TMEM132B: variants seen among roughly 807,000 people sequenced by gnomAD.
The protein encoded by TMEM132B is transmembrane protein 132B.
In TMEM132B, 18 loss-of-function variants were observed where a neutral mutation model predicts 90.8. That is an observed-to-expected ratio of 0.20 (90% CI 0.14 to 0.29). The LOEUF is 0.29. Ranked by LOEUF, TMEM132B falls within the 10% of genes least tolerant of loss-of-function variation. The pLI, the probability that TMEM132B is intolerant of heterozygous loss-of-function variation, is 1.00. For synonymous variants in TMEM132B, 504 were observed against 523.3 expected (o/e 0.96, Z 0.50); for missense variants, 1,096 against 1,326.8 (o/e 0.83, Z 2.70).
chr12:125,624,714 G>A (rs1032853244), intron 5 of TMEM132B, among the ~76,000 whole-genome samples: 2 of 152,116 alleles, frequency 1.3e-5, no homozygotes, highest in African/African-American at 2.4e-5. Context: ...TTGTGTTCAC[G>A]ATCTTACTAG....
chr12:125,378,264 A>T (rs980499972), intron 2 of TMEM132B, among the ~76,000 whole-genome samples: 1 of 152,188 alleles, frequency 6.6e-6, no homozygotes, highest in African/African-American at 2.4e-5. Flanking sequence ...TCATGGAAAA[A>T]GCATGAACAA....
intron 1 of TMEM132B, among the ~76,000 whole-genome samples, chr12:125,312,681 A>G (rs1428964091): frequency 6.6e-6 from 1 of 152,176 alleles, no homozygotes; most frequent in Non-Finnish European, 1.5e-5. Context: ...TCACTGAGAA[A>G]TGTCTAAAAT....
rs141409861 is a variant in TMEM132B at position 125,277,356 on chromosome 12, G to A, written c.68-72096G>A. ...TAGCTGGGCGTGGTGGTGGGCTCCT[G>A]TAATCCCAGCTACTCAGGAGGCTGA... On this transcript the variant is annotated intron_variant, in intron 1 of 8. Transcript: ENST00000682704. The surrounding 1 kb of genome is among the most constrained non-coding windows in gnomAD (Gnocchi z 4.3). 2.6e-5 allele frequency among the ~76,000 whole-genome samples: 4 copies of A among 152,166 alleles called. No homozygotes were observed. In the East Asian group the frequency reaches 7.7e-4, roughly 29 times the overall value.
chr12:125,547,851 C>T (rs34424170), intron 4 of TMEM132B, among the ~76,000 whole-genome samples: 11,098 of 152,214 alleles, frequency 0.073, 548 homozygotes, highest in South Asian at 0.15. Flanking sequence ...AAGAAACAGC[C>T]AACTCTGTGA....
At position 125,646,845 on chromosome 12, in the gene TMEM132B, T is replaced by A. The variant is rs116552607; in HGVS notation, c.1643+2564T>A. 9.1e-3 allele frequency among the ~76,000 whole-genome samples: 1,382 copies of A among 152,216 alleles called. 23 individuals are homozygous for A. The highest frequency in any genetic ancestry group is 0.032 in the African/African-American group (1,310 of 41,516). ...AGAATTAGATAAACCACAACTTGAA[T>A]GAGAAAAGATGATCAACTGATGGCA... is the stretch of plus-strand genomic sequence containing the variant. On this transcript the variant is annotated intron_variant, in intron 6 of 8. Transcript: ENST00000682704.
chr12:125,388,387 C>A (rs547567081), intron 2 of TMEM132B, among the ~76,000 whole-genome samples: 16 of 152,292 alleles, frequency 1.1e-4, no homozygotes, highest in African/African-American at 3.8e-4. Flanking sequence ...CAAGATCCCA[C>A]CATTGCACTC....
chr12:125,628,861 A>G (rs1382821846), intron 5 of TMEM132B, among the ~76,000 whole-genome samples: 1 of 152,106 alleles, frequency 6.6e-6, no homozygotes, highest in African/African-American at 2.4e-5. Flanking sequence ...TCATTTCTCT[A>G]CATATGGATA....
intron 2 of TMEM132B, among the ~76,000 whole-genome samples, chr12:125,376,497 G>A (rs1878489096): frequency 6.6e-6 from 1 of 152,218 alleles, no homozygotes; most frequent in Non-Finnish European, 1.5e-5. Flanking sequence ...CCCGGTGGAT[G>A]CTCATTTACA....
chr12:125,422,640 A>G (rs571618197), intron 3 of TMEM132B, among the ~76,000 whole-genome samples: 1 of 152,312 alleles, frequency 6.6e-6, no homozygotes, highest in South Asian at 2.1e-4. Context: ...ATCATCCTGG[A>G]TTAGCTGAGT....
In TMEM132B at chr12:125,644,806, G is replaced by A. The variant is rs928093439; in HGVS notation, c.1643+525G>A. Among the ~76,000 whole-genome samples the A allele has an allele frequency of 2.6e-5, 4 of 152,090 alleles. No individual in the cohort carries two copies. In the South Asian group the frequency reaches 8.3e-4, roughly 32 times the overall value. On this transcript the variant is annotated intron_variant, in intron 6 of 8. Transcript: ENST00000682704. ...AATTTTAACCCCAGCTTTACAACTT[G>A]TACCTGTGTGACATTGGACATGTGA...
At chr12:125,558,875 C>G (rs950156825) in intron 4 of TMEM132B, among the ~76,000 whole-genome samples, 1 of 152,186 alleles carries the variant, frequency 6.6e-6, no homozygotes, top group Non-Finnish European at 1.5e-5. Context: ...AGGTTCCTGT[C>G]TCACCAACCT....
intron 1 of TMEM132B, among the ~76,000 whole-genome samples, chr12:125,288,544 C>T (rs1395542842): frequency 6.6e-6 from 1 of 151,536 alleles, no homozygotes; most frequent in Non-Finnish European, 1.5e-5. Flanking sequence ...TAACTCATCT[C>T]ATATTGCTGG....
intron 1 of TMEM132B, among the ~76,000 whole-genome samples, chr12:125,232,835 C>G (rs1873856745): frequency 6.6e-6 from 1 of 152,230 alleles, no homozygotes; most frequent in African/African-American, 2.4e-5. Flanking sequence ...TTATCATGGA[C>G]TCTTCTAGCT....
intron 6 of TMEM132B, among the ~76,000 whole-genome samples, chr12:125,648,867 A>G (rs953973404): frequency 3.9e-5 from 6 of 152,190 alleles, no homozygotes; most frequent in African/African-American, 1.4e-4. Context: ...AAATTAAACA[A>G]TGTTGTTAAA....
chr12:125,264,009 T>C (rs1874628268), intron 1 of TMEM132B, among the ~76,000 whole-genome samples: 1 of 152,222 alleles, frequency 6.6e-6, no homozygotes, highest in African/African-American at 2.4e-5. Context: ...TCTTACTGTC[T>C]AGAGGTTGGA....
intron 5 of TMEM132B, among the ~76,000 whole-genome samples, chr12:125,642,433 C>CT (rs919675027): frequency 3.3e-5 from 5 of 152,134 alleles, no homozygotes; most frequent in Admixed American, 2.6e-4. Flanking sequence ...AGATTCTTTT[C>CT]TTTTTTTAAT....
intron 2 of TMEM132B, among the ~76,000 whole-genome samples, chr12:125,380,632 A>T (rs1228179326): frequency 6.6e-6 from 1 of 152,164 alleles, no homozygotes; most frequent in Admixed American, 6.5e-5. Flanking sequence ...CGTCAGATCC[A>T]CTAGTTTCTC....
intron 2 of TMEM132B, among the ~76,000 whole-genome samples, chr12:125,378,265 G>A (rs902551531): frequency 3.9e-5 from 6 of 152,144 alleles, no homozygotes; most frequent in Admixed American, 3.3e-4. Flanking sequence ...CATGGAAAAA[G>A]CATGAACAAT....
At chr12:125,331,235 C>G (rs992629542) in intron 1 of TMEM132B, among the ~76,000 whole-genome samples, 1 of 152,218 alleles carries the variant, frequency 6.6e-6, no homozygotes, top group African/African-American at 2.4e-5. Context: ...GCGTTGCTGC[C>G]CCAGGAGTCC....
Sources: gnomAD v4.1 joint callset for allele counts (sites outside exome capture counted in the v4.1 genomes callset) on GRCh38, gnomAD v4.1.1 for gene constraint, Gnocchi (gnomAD v3.1) non-coding constraint, MANE v1.5 for transcripts, NCBI Gene and HGNC (gene_info 2026-07-23, HGNC 2026-07-21) for gene names.